The following MAGI1 variants were observed in gnomAD, a reference collection of about 807,000 sequenced individuals.
MAGI1 encodes membrane associated guanylate kinase, WW and PDZ domain containing 1.
MAGI1 carries 58 observed loss-of-function variants against 139.9 expected under a neutral mutation model. The ratio of observed to expected loss-of-function variants is 0.41; its 90% CI spans 0.34 to 0.52. MAGI1 has a LOEUF of 0.52. Among genes scored for constraint, MAGI1 ranks in the 20% least tolerant of loss-of-function variants. The pLI is 0.12. For missense variants in MAGI1, 1,874 were observed against 1,901.6 expected (o/e 0.99, Z 0.27); for synonymous variants, 812 against 737.9 (o/e 1.10, Z -1.63).
At chr3:65,857,654 C>T (rs1333877225) in intron 1 of MAGI1, among the ~76,000 whole-genome samples, 2 of 152,256 alleles carry the variant, frequency 1.3e-5, no homozygotes, top group Middle Eastern at 3.4e-3. Flanking sequence ...TATATTGCCC[C>T]TTGGAAGACC....
intron 1 of MAGI1, among the ~76,000 whole-genome samples, chr3:65,962,233 C>T (rs2064472448): frequency 6.6e-6 from 1 of 150,874 alleles, no homozygotes; most frequent in Admixed American, 6.6e-5. Flanking sequence ...CATTCTCCTA[C>T]TCAGCCTCCT....
At chr3:66,034,216 AT>A (rs2068793612) in intron 1 of MAGI1, among the ~76,000 whole-genome samples, 1 of 151,310 alleles carries the variant, frequency 6.6e-6, no homozygotes, top group South Asian at 2.1e-4. Flanking sequence ...GGGCCCAGGA[AT>A]CTGGATTTCT....
chr3:65,534,022 G>C (rs987683442), intron 2 of MAGI1, among the ~76,000 whole-genome samples: 19 of 152,172 alleles, frequency 1.2e-4, no homozygotes, highest in Non-Finnish European at 2.5e-4. Flanking sequence ...CTGACAGCTT[G>C]ATTGCAAGCT....
intron 1 of MAGI1, among the ~76,000 whole-genome samples, chr3:65,823,399 C>A (rs1292409907): frequency 6.6e-6 from 1 of 152,108 alleles, no homozygotes; most frequent in Non-Finnish European, 1.5e-5. Flanking sequence ...TTTCCAGTGC[C>A]CAGCACAGTT....
chr3:65,515,128 G>C (rs2107773387), intron 2 of MAGI1, among the ~76,000 whole-genome samples: 1 of 124,660 alleles, frequency 8.0e-6, no homozygotes. Flanking sequence ...ATGGACACAG[G>C]AAGGGGAATA....
chr3:65,507,302 T>A (rs141721935), intron 2 of MAGI1, among the ~76,000 whole-genome samples: 1 of 152,228 alleles, frequency 6.6e-6, no homozygotes, highest in Admixed American at 6.5e-5. Flanking sequence ...TCCCTCATAT[T>A]TATAGTGGTA....
chr3:65,430,402 T>C (rs1231890505), intron 11 of MAGI1, among the ~76,000 whole-genome samples: 1 of 152,096 alleles, frequency 6.6e-6, no homozygotes, highest in Admixed American at 6.6e-5. Flanking sequence ...ACTGCAGAAA[T>C]CCAAGTTTAG....
chr3:65,674,523 TACTA>T (rs753606667), intron 1 of MAGI1, among the ~76,000 whole-genome samples: 5 of 152,216 alleles, frequency 3.3e-5, no homozygotes, highest in Admixed American at 6.5e-5. Flanking sequence ...CTTTCTCTTT[TACTA>T]ACTAACACAG....
chr3:65,382,081 T>A lies in MAGI1; in HGVS notation c.2509-12A>T. ...TGACCAATATAAATCTGTTGAGTAA[T>A]TGAACGATGGATGAAACATTGCTCT... On this transcript the variant is annotated splice_polypyrimidine_tract_variant and intron_variant, in intron 15 of 22. Coordinates refer to ENST00000402939, the MANE Select transcript of MAGI1 (RefSeq NM_001033057.2). 6.3e-7 allele frequency: 1 copy of A among 1,589,002 alleles called. No individual in the cohort carries two copies. The highest frequency in any genetic ancestry group is 8.6e-7 in the Non-Finnish European group (1 of 1,164,214).
At chr3:65,359,380 A>G in intron 22 of MAGI1, 1 of 1,317,250 alleles carries the variant, frequency 7.6e-7, no homozygotes, top group Non-Finnish European at 9.7e-7. Context: ...AGACAGCCAT[A>G]AGGTGACTCG....
At chr3:65,852,388 T>G (rs2059234669) in intron 1 of MAGI1, among the ~76,000 whole-genome samples, 1 of 152,154 alleles carries the variant, frequency 6.6e-6, no homozygotes, top group Non-Finnish European at 1.5e-5. Flanking sequence ...ACGTTGTGTT[T>G]CAGATGGTGG....
At chr3:65,587,850 C>G (rs1401351416) in intron 2 of MAGI1, among the ~76,000 whole-genome samples, 2 of 152,134 alleles carry the variant, frequency 1.3e-5, no homozygotes, top group African/African-American at 4.8e-5. Flanking sequence ...ACCACACCCT[C>G]CCTCCCTTCT....
chr3:65,842,506 C>T (rs2058843144), intron 1 of MAGI1, among the ~76,000 whole-genome samples: 1 of 152,084 alleles, frequency 6.6e-6, no homozygotes, highest in Non-Finnish European at 1.5e-5. Flanking sequence ...GGATTATAGG[C>T]ATGTGCCACC....
At chr3:65,880,475 G>A (rs2060279710) in intron 1 of MAGI1, among the ~76,000 whole-genome samples, 1 of 152,104 alleles carries the variant, frequency 6.6e-6, no homozygotes, top group African/African-American at 2.4e-5. Context: ...CAAAACATCA[G>A]GGATTTGGAA....
chr3:65,412,959 G>A (rs1365768880), intron 12 of MAGI1, among the ~76,000 whole-genome samples: 1 of 152,124 alleles, frequency 6.6e-6, no homozygotes, highest in African/African-American at 2.4e-5. Flanking sequence ...GATTCTTTGA[G>A]ATCTAAATCT....
intron 1 of MAGI1, among the ~76,000 whole-genome samples, chr3:65,904,016 AAAAG>A (rs1468140241): frequency 5.3e-5 from 8 of 152,226 alleles, no homozygotes; most frequent in African/African-American, 1.7e-4. Context: ...TCAAAAAAAA[AAAAG>A]AAAGAAAGAA....
intron 1 of MAGI1, among the ~76,000 whole-genome samples, chr3:65,869,583 G>C (rs2059863739): frequency 6.6e-6 from 1 of 151,818 alleles, no homozygotes; most frequent in Non-Finnish European, 1.5e-5. Context: ...TGTATTTTTA[G>C]TAGAGACAGG....
intron 1 of MAGI1, 81 bp downstream of exon 1, chr3:66,037,915 G>A: frequency 6.6e-7 from 1 of 1,509,262 alleles, no homozygotes; most frequent in Non-Finnish European, 8.9e-7. Context: ...GAGGAGGGAA[G>A]CAGGAAATCG....
At chr3:65,713,085 T>G (rs1055752248) in intron 1 of MAGI1, among the ~76,000 whole-genome samples, 2 of 152,184 alleles carry the variant, frequency 1.3e-5, no homozygotes, top group African/African-American at 4.8e-5. Flanking sequence ...CAGAAAGTCC[T>G]AGAGAGAGAA....
Sources: gnomAD v4.1 joint callset for allele counts (sites outside exome capture counted in the v4.1 genomes callset) on GRCh38, gnomAD v4.1.1 for gene constraint, MANE v1.5 for transcripts, NCBI Gene and HGNC (gene_info 2026-07-23, HGNC 2026-07-21) for gene names.